MAN2A1: variants seen among roughly 807,000 people sequenced by gnomAD.
MAN2A1 encodes alpha-mannosidase 2.
In MAN2A1, 76 loss-of-function variants were observed where a neutral mutation model predicts 142.6. The ratio of observed to expected loss-of-function variants is 0.53; its 90% CI spans 0.44 to 0.65. The LOEUF is 0.65. MAN2A1 is among the 30% of genes least tolerant of loss of function. The probability of loss-of-function intolerance (pLI) is 0.00; values close to 1 mark genes in which losing one functional copy is unlikely to be tolerated. For synonymous variants in MAN2A1, 559 were observed against 473.2 expected (o/e 1.18, Z -2.35); for missense variants, 1,311 against 1,365.1 (o/e 0.96, Z 0.62).
intron 10 of MAN2A1, 133 bp from the exon 11 acceptor site, chr5:109,788,801 A>G (rs752700431): frequency 1.0e-5 from 6 of 583,290 alleles, no homozygotes; most frequent in Non-Finnish European, 1.9e-5. Context: ...CAGGTTTGTC[A>G]TAGATTCATT....
chr5:109,731,810 C>T lies in MAN2A1; in HGVS notation c.707+2297C>T, dbSNP rs554577141. Among the ~76,000 whole-genome samples the T allele has an allele frequency of 8.0e-4, 119 of 149,520 alleles. 1 individual carries two copies. The highest frequency in any genetic ancestry group is 2.6e-3 in the African/African-American group (104 of 40,208). On this transcript the variant is annotated intron_variant, in intron 4 of 21. Transcript: ENST00000261483. Reference sequence around the variant, plus strand: ...AAGTCTTTGCTATTGTGAATAGTGCCGCAATAAACATACATGTGCATGTGT... The same window carrying T: ...AAGTCTTTGCTATTGTGAATAGTGCTGCAATAAACATACATGTGCATGTGT...
chr5:109,690,059 G>A lies in MAN2A1; in HGVS notation c.-359G>A, dbSNP rs1451110861. 3 of 231,952 alleles carry A rather than the reference G, an allele frequency of 1.3e-5. No individual in the cohort carries two copies. The highest frequency in any genetic ancestry group is 2.6e-5 in the Non-Finnish European group (3 of 116,610). The allele number at this position is 231,952 out of a possible 1,614,324, so 14.4% of individuals were successfully genotyped here. A position where few individuals can be genotyped will look rare whatever the true frequency, so the allele number is the denominator to read the frequency against. ...TTTTCCTGCCGACTCAGTTGGGGCG[G>A]CGGTGGCAGGAAGTGCGGGCAGCGA... On this transcript the variant is annotated 5_prime_UTR_variant, in exon 1 of 22. Transcript: ENST00000261483.
At chr5:109,856,082 A>G (rs1209979421) in intron 20 of MAN2A1, among the ~76,000 whole-genome samples, 1 of 152,196 alleles carries the variant, frequency 6.6e-6, no homozygotes, top group Non-Finnish European at 1.5e-5. Context: ...TTAATGTAGA[A>G]CAAAGAACTA....
At chr5:109,714,622 C>T (rs1349360144) in intron 2 of MAN2A1, among the ~76,000 whole-genome samples, 3 of 152,208 alleles carry the variant, frequency 2.0e-5, no homozygotes, top group African/African-American at 7.2e-5. Flanking sequence ...TGTGTTTAAC[C>T]TTGTGCCTTA....
intron 17 of MAN2A1, among the ~76,000 whole-genome samples, chr5:109,845,463 C>A (rs1015320088): frequency 1.3e-5 from 2 of 152,148 alleles, no homozygotes; most frequent in African/African-American, 4.8e-5. Flanking sequence ...AGAGATATTT[C>A]TTGAAAGGGG....
At chr5:109,754,621 C>T (rs1451965373) in intron 4 of MAN2A1, among the ~76,000 whole-genome samples, 1 of 152,158 alleles carries the variant, frequency 6.6e-6, no homozygotes, top group Non-Finnish European at 1.5e-5. Flanking sequence ...AAATAATGTG[C>T]TTAAAGTGAC....
At chr5:109,723,422 C>T (rs995458327) in intron 3 of MAN2A1, among the ~76,000 whole-genome samples, 3 of 152,176 alleles carry the variant, frequency 2.0e-5, no homozygotes, top group African/African-American at 4.8e-5. Flanking sequence ...CTGTGACTGT[C>T]TTCTTACCCT....
chr5:109,767,398 A>G, intron 5 of MAN2A1, 137 bp from the exon 6 acceptor site: 1 of 597,778 alleles, frequency 1.7e-6, no homozygotes, highest in Non-Finnish European at 2.8e-6. Flanking sequence ...AATACTTGGC[A>G]GAGGATAATG....
At chr5:109,753,168 G>A (rs567288960) in intron 4 of MAN2A1, among the ~76,000 whole-genome samples, 11 of 152,192 alleles carry the variant, frequency 7.2e-5, no homozygotes, top group Admixed American at 2.6e-4. Flanking sequence ...TCAAGTTTCC[G>A]TATTTGATAA....
chr5:109,798,627 G>A (rs1490170009), intron 12 of MAN2A1, among the ~76,000 whole-genome samples: 3 of 152,044 alleles, frequency 2.0e-5, no homozygotes, highest in African/African-American at 2.4e-5. Context: ...CTTTCAACTC[G>A]TATCCAAACA....
chr5:109,819,716 G>C lies in MAN2A1; in HGVS notation c.2157G>C (p.Lys719Asn), dbSNP rs768347964. 8.7e-6 allele frequency: 14 copies of C among 1,612,178 alleles called. No homozygotes were observed. Among genetic ancestry groups the C allele is most frequent in the Non-Finnish European group, 1.2e-5 (14 of 1,179,308 alleles). Residue 719 changes from lysine (K) to asparagine (N), a missense_variant, in exon 14 of 22, where the codon AAG becomes AAC. By Grantham distance (94) the Lys-to-Asn change is moderately conservative. This residue lies in a region of MAN2A1 where 890 missense variants were observed against 920.5 expected (regional missense o/e 0.97). Transcript: ENST00000261483. Reference protein sequence around the residue: ...HIPPLGLKVYKILESASSNSH... With the variant: ...HIPPLGLKVYNILESASSNSH... ...CGCCATTGGGACTGAAAGTGTATAA[G>C]ATTTTGGAATCAGCAAGTTCAAATT...
At chr5:109,732,050 C>T (rs1044144415) in intron 4 of MAN2A1, among the ~76,000 whole-genome samples, 2 of 151,924 alleles carry the variant, frequency 1.3e-5, no homozygotes, top group African/African-American at 4.8e-5. Context: ...TAATGATTGC[C>T]ATTCTAACTG....
At chr5:109,864,500 A>T (rs1755832557) in intron 20 of MAN2A1, 1 of 152,300 alleles carries the variant, frequency 6.6e-6, no homozygotes, top group Non-Finnish European at 1.5e-5. Context: ...AAGTGAAAGC[A>T]TAACTAAATT....
At chr5:109,789,585 T>G in intron 12 of MAN2A1, 58 bp downstream of exon 12, 2 of 1,242,742 alleles carry the variant, frequency 1.6e-6, no homozygotes, top group Non-Finnish European at 2.2e-6. Flanking sequence ...GTTTTTGGTT[T>G]TATGGTTCTG....
At chr5:109,711,298 T>C (rs1318976665) in intron 1 of MAN2A1, among the ~76,000 whole-genome samples, 1 of 152,198 alleles carries the variant, frequency 6.6e-6, no homozygotes, top group East Asian at 1.9e-4. Context: ...ATTTGTATCT[T>C]CAGTATTGGA....
intron 8 of MAN2A1, among the ~76,000 whole-genome samples, chr5:109,777,187 C>T (rs186627430): frequency 4.9e-4 from 74 of 152,178 alleles, no homozygotes; most frequent in Middle Eastern, 3.4e-3. Flanking sequence ...AAAATAGATG[C>T]ATCAATTGTG....
chr5:109,738,414 C>G (rs1752170410), intron 4 of MAN2A1, among the ~76,000 whole-genome samples: 1 of 151,908 alleles, frequency 6.6e-6, no homozygotes, highest in Non-Finnish European at 1.5e-5. Context: ...TTGATACCAT[C>G]TTTTCTCTTT....
At chr5:109,801,972 A>C (rs1001988047) in intron 12 of MAN2A1, among the ~76,000 whole-genome samples, 3 of 152,176 alleles carry the variant, frequency 2.0e-5, no homozygotes, top group Non-Finnish European at 2.9e-5. Flanking sequence ...TATTTGTAGG[A>C]CTATGTGGGC....
intron 1 of MAN2A1, among the ~76,000 whole-genome samples, chr5:109,690,829 T>G (rs1750648983): frequency 6.6e-6 from 1 of 152,016 alleles, no homozygotes; most frequent in South Asian, 2.1e-4. Flanking sequence ...CCCGGCCTGT[T>G]GGGGTGGCTT....
Sources: allele counts gnomAD v4.1 joint callset (sites outside exome capture counted in the v4.1 genomes callset), GRCh38; gene constraint gnomAD v4.1.1; regional missense constraint gnomAD v4.1.1; transcripts MANE v1.5; gene names NCBI Gene and HGNC (gene_info 2026-07-23, HGNC 2026-07-21).